The following OGFOD1 variants were observed in gnomAD, a reference collection of about 807,000 sequenced individuals.
The protein encoded by OGFOD1 is prolyl 3-hydroxylase OGFOD1.
Under a neutral mutation model 67.7 loss-of-function variants are expected in OGFOD1, and 54 were observed. The observed-to-expected ratio is 0.80, with a 90% CI of 0.64 to 1.00. OGFOD1 has a LOEUF of 1.00. OGFOD1 is among the 50% of genes least tolerant of loss of function. The pLI, the probability that OGFOD1 is intolerant of heterozygous loss-of-function variation, is 0.00. For synonymous variants in OGFOD1, 221 were observed against 227.0 expected, an observed-to-expected ratio of 0.97 and a Z score of 0.24; for missense variants, 606 against 646.7, an observed-to-expected ratio of 0.94 and a Z score of 0.68.
intron 2 of OGFOD1, among the ~76,000 whole-genome samples, chr16:56,455,295 C>T (rs1380664802): frequency 4.7e-5 from 7 of 148,706 alleles, no homozygotes; most frequent in East Asian, 4.2e-4. Flanking sequence ...TGAACCCAGG[C>T]GGTGGAGGTT....
Sources: gnomAD v4.1 joint callset for allele counts (sites outside exome capture counted in the v4.1 genomes callset) on GRCh38, gnomAD v4.1.1 for gene constraint, MANE v1.5 for transcripts, NCBI Gene and HGNC (gene_info 2026-07-23, HGNC 2026-07-21) for gene names.